PCCA: variants seen among roughly 807,000 people sequenced by gnomAD.
PCCA encodes propionyl-CoA carboxylase alpha chain, mitochondrial.
In PCCA, 74 loss-of-function variants were observed where a neutral mutation model predicts 101.3. That is an observed-to-expected ratio of 0.73 (90% CI 0.61 to 0.89). The LOEUF is 0.89. PCCA is among the 40% of genes least tolerant of loss of function. The pLI is 0.00. For missense variants in PCCA, 891 were observed against 907.0 expected (o/e 0.98, Z 0.23); for synonymous variants, 294 against 313.6 (o/e 0.94, Z 0.66).
At chr13:100,239,239 G>A (rs892916553) in intron 8 of PCCA, among the ~76,000 whole-genome samples, 3 of 152,148 alleles carry the variant, frequency 2.0e-5, no homozygotes, top group African/African-American at 2.4e-5. Flanking sequence ...ATTAGAAATG[G>A]TAAGTAATTT....
At chr13:100,526,952 T>C (rs1247636568) in intron 22 of PCCA, among the ~76,000 whole-genome samples, 2 of 152,262 alleles carry the variant, frequency 1.3e-5, no homozygotes, top group Non-Finnish European at 2.9e-5. Context: ...CATTCCTGTG[T>C]CTGGAGGGTT....
intron 18 of PCCA, among the ~76,000 whole-genome samples, chr13:100,356,731 T>C (rs1202370247): frequency 2.0e-5 from 3 of 152,138 alleles, no homozygotes; most frequent in Non-Finnish European, 4.4e-5. Context: ...CCAAGGGAAA[T>C]GAAACCATGT....
intron 18 of PCCA, among the ~76,000 whole-genome samples, chr13:100,367,960 AAATAAT>A (rs911409908): frequency 1.3e-4 from 20 of 152,056 alleles, no homozygotes; most frequent in African/African-American, 3.1e-4. Context: ...TCCGTCTCAA[AAATAAT>A]AATAATAATT....
intron 21 of PCCA, among the ~76,000 whole-genome samples, chr13:100,457,477 A>G (rs1286742623): frequency 6.6e-6 from 1 of 152,234 alleles, no homozygotes; most frequent in Non-Finnish European, 1.5e-5. Flanking sequence ...TTACAGCAGC[A>G]GCAGTGGTCA....
chr13:100,420,670 T>C (rs1318788286), intron 19 of PCCA, among the ~76,000 whole-genome samples: 2 of 152,198 alleles, frequency 1.3e-5, no homozygotes, highest in Non-Finnish European at 2.9e-5. Flanking sequence ...TATTTGACCT[T>C]GTTAGTTCAG....
intron 16 of PCCA, among the ~76,000 whole-genome samples, chr13:100,316,688 G>A (rs186339519): frequency 1.3e-5 from 2 of 152,078 alleles, no homozygotes; most frequent in East Asian, 3.9e-4. Context: ...GGCCACACAG[G>A]GAGCTAAAAA....
chr13:100,393,817 CACTTCT>C (rs1318562093), intron 19 of PCCA, among the ~76,000 whole-genome samples: 2 of 152,082 alleles, frequency 1.3e-5, no homozygotes, highest in Non-Finnish European at 2.9e-5. Context: ...ATTTTTTAAC[CACTTCT>C]ACTTAGCAAG....
rs751014655 is a variant in PCCA at position 100,515,575 on chromosome 13, C to CTG, written c.2040+16_2040+17dup. 5.6e-6 allele frequency: 9 copies of CTG among 1,613,046 alleles called. No individual in the cohort carries two copies. The Admixed American group carries it at 6.7e-5, about 12-fold the overall frequency. On this transcript the variant is annotated intron_variant, in intron 22 of 23. Transcript: ENST00000376285. Reference sequence around the variant, plus strand: ...GTCAAGCCTGGAGACGCGGTAAGGGCTGTGTGTGTCTCTCTGCAGGACATG... The same window carrying CTG: ...GTCAAGCCTGGAGACGCGGTAAGGGCTGTGTGTGTGTCTCTCTGCAGGACATG...
intron 19 of PCCA, among the ~76,000 whole-genome samples, chr13:100,422,302 TAA>T (rs1327216043): frequency 6.6e-6 from 1 of 151,680 alleles, no homozygotes; most frequent in African/African-American, 2.4e-5. Flanking sequence ...CCTGGCTAAG[TAA>T]AAAAAATTTT....
intron 6 of PCCA, among the ~76,000 whole-genome samples, chr13:100,193,940 G>A (rs753810079): frequency 9.9e-5 from 15 of 151,904 alleles, no homozygotes; most frequent in South Asian, 4.1e-4. Flanking sequence ...GCGTGGTAGC[G>A]GGCTCATGTA....
At chr13:100,236,257 C>CT (rs937046544) in intron 8 of PCCA, among the ~76,000 whole-genome samples, 1 of 152,074 alleles carries the variant, frequency 6.6e-6, no homozygotes, top group African/African-American at 2.4e-5. Context: ...TGACATAGTT[C>CT]TTTAAGTTTT....
intron 6 of PCCA, among the ~76,000 whole-genome samples, chr13:100,186,660 T>A (rs2057291616): frequency 6.8e-6 from 1 of 148,118 alleles, no homozygotes; most frequent in Admixed American, 7.0e-5. Context: ...GAGAATCACT[T>A]GAACAGGGAG....
intron 19 of PCCA, among the ~76,000 whole-genome samples, chr13:100,413,777 T>C (rs2152874617): frequency 6.6e-6 from 1 of 152,320 alleles, no homozygotes; most frequent in South Asian, 2.1e-4. Context: ...CAATACTGCA[T>C]AGAAACACAG....
chr13:100,302,188 C>CT (rs1223559831), intron 13 of PCCA, among the ~76,000 whole-genome samples: 4 of 152,038 alleles, frequency 2.6e-5, no homozygotes, highest in South Asian at 2.1e-4. Flanking sequence ...CTTCTAAATG[C>CT]TTTTTTTCAA....
chr13:100,527,634 T>A, intron 22 of PCCA, 41 bp from the exon 23 acceptor site: 1 of 1,419,494 alleles, frequency 7.0e-7, no homozygotes, highest in Non-Finnish European at 1.0e-6. Context: ...TAATGCAAAA[T>A]TAGAATGCTT....
chr13:100,262,776 A>G lies in PCCA; in HGVS notation c.764A>G (p.Asp255Gly), dbSNP rs746776657. The G allele has an allele frequency of 3.1e-6, 5 of 1,590,622 alleles. No homozygotes were observed. Among genetic ancestry groups the G allele is most frequent in the Non-Finnish European group, 4.3e-6 (5 of 1,162,508 alleles). Residue 255 changes from aspartate to glycine, a missense_variant, in exon 10 of 24, where the codon GAT (aspartate) becomes GGT (glycine). Transcript: ENST00000376285. ...CAAGAAGCTGCTTCTAGTTTTGGCGATGATAGACTACTAATAGAAAAATTT... is the reference window on the plus strand; with the variant it reads ...CAAGAAGCTGCTTCTAGTTTTGGCGGTGATAGACTACTAATAGAAAAATTT... ...SSQEAASSFG[D>G]DRLLIEKFID... is the part of the protein sequence containing the mutation.
At chr13:100,398,341 A>G (rs2077153702) in intron 19 of PCCA, among the ~76,000 whole-genome samples, 1 of 152,248 alleles carries the variant, frequency 6.6e-6, no homozygotes, top group Non-Finnish European at 1.5e-5. Context: ...CACATTGAGA[A>G]CGTTACCTCA....
intron 16 of PCCA, among the ~76,000 whole-genome samples, chr13:100,315,766 A>G (rs556555287): frequency 6.6e-6 from 1 of 152,192 alleles, no homozygotes; most frequent in East Asian, 1.9e-4. Flanking sequence ...TACAGATGGG[A>G]CCTGGTGAAC....
intron 21 of PCCA, among the ~76,000 whole-genome samples, chr13:100,495,037 C>T (rs573648944): frequency 1.3e-5 from 2 of 152,038 alleles, no homozygotes; most frequent in South Asian, 2.1e-4. Context: ...GATTCTCAAC[C>T]GGGGCAGTAT....
Sources: gnomAD v4.1 joint callset for allele counts (sites outside exome capture counted in the v4.1 genomes callset) on GRCh38, gnomAD v4.1.1 for gene constraint, MANE v1.5 for transcripts, NCBI Gene and HGNC (gene_info 2026-07-23, HGNC 2026-07-21) for gene names.